The following PRKCE variants were observed in gnomAD, a reference collection of about 807,000 sequenced individuals.
PRKCE encodes protein kinase C epsilon type.
A neutral mutation model predicts 85.4 loss-of-function variants in PRKCE; 16 were observed. The ratio of observed to expected loss-of-function variants is 0.19; its 90% confidence interval spans 0.13 to 0.28. The LOEUF (loss-of-function observed/expected upper bound fraction) is 0.28. Among genes scored for constraint, PRKCE ranks in the 10% least tolerant of loss-of-function variants. The pLI, the probability that PRKCE is intolerant of heterozygous loss-of-function variation, is 1.00. For missense variants in PRKCE, 573 were observed against 975.2 expected (o/e 0.59, Z 5.49); for synonymous variants, 388 against 371.5 (o/e 1.04, Z -0.51).
intron 1 of PRKCE, among the ~76,000 whole-genome samples, chr2:45,748,123 T>C (rs894721730): frequency 3.3e-5 from 5 of 152,208 alleles, no homozygotes; most frequent in African/African-American, 7.2e-5. Context: ...AGGGAACACA[T>C]TGACAACCAT....
At chr2:45,739,013 T>C (rs1373355727) in intron 1 of PRKCE, among the ~76,000 whole-genome samples, 1 of 152,224 alleles carries the variant, frequency 6.6e-6, no homozygotes, top group Non-Finnish European at 1.5e-5. Flanking sequence ...ATGACAGTGC[T>C]CATATGAAGT....
intron 1 of PRKCE, among the ~76,000 whole-genome samples, chr2:45,742,055 C>G (rs1470868581): frequency 6.6e-6 from 1 of 152,064 alleles, no homozygotes; most frequent in African/African-American, 2.4e-5. Flanking sequence ...TTGGGAATTT[C>G]TCGGATATCA....
intron 10 of PRKCE, among the ~76,000 whole-genome samples, chr2:46,066,325 C>T (rs1667623905): frequency 6.6e-6 from 1 of 152,122 alleles, no homozygotes. Flanking sequence ...TAATGAGTCA[C>T]CTACCTCACT....
intron 9 of PRKCE, among the ~76,000 whole-genome samples, chr2:46,009,919 G>GT (rs1705515635): frequency 6.6e-6 from 1 of 152,194 alleles, no homozygotes. Flanking sequence ...TACTGTAATT[G>GT]TAAGTATGAC....
chr2:45,689,750 G>C (rs907477116), intron 1 of PRKCE, among the ~76,000 whole-genome samples: 2 of 151,880 alleles, frequency 1.3e-5, no homozygotes, highest in African/African-American at 4.8e-5. Flanking sequence ...ACAAAGATTA[G>C]CCAGGCATGG....
chr2:45,669,227 G>C (rs1052127108), intron 1 of PRKCE, among the ~76,000 whole-genome samples: 9 of 152,180 alleles, frequency 5.9e-5, no homozygotes, highest in Non-Finnish European at 1.2e-4. Flanking sequence ...ACTATTTTAA[G>C]GGGAAAAGGG....
At chr2:45,721,861 A>T (rs1334727666) in intron 1 of PRKCE, among the ~76,000 whole-genome samples, 1 of 150,976 alleles carries the variant, frequency 6.6e-6, no homozygotes, top group Non-Finnish European at 1.5e-5. Flanking sequence ...GCGGTGATGG[A>T]GAGAGACCCT....
At chr2:45,813,288 A>T (rs1308786693) in intron 1 of PRKCE, among the ~76,000 whole-genome samples, 2 of 152,204 alleles carry the variant, frequency 1.3e-5, no homozygotes, top group Non-Finnish European at 2.9e-5. Context: ...CTTGTTGGCC[A>T]TGGGTCATTT....
chr2:45,912,446 GAGA>G (rs1270619532), intron 2 of PRKCE, among the ~76,000 whole-genome samples: 3 of 152,286 alleles, frequency 2.0e-5, no homozygotes, highest in African/African-American at 7.2e-5. Flanking sequence ...TCACTTGGTG[GAGA>G]AGGAGTGCTT....
intron 2 of PRKCE, among the ~76,000 whole-genome samples, chr2:45,904,799 G>A (rs183019114): frequency 6.6e-6 from 1 of 152,190 alleles, no homozygotes. Context: ...CCAGAAGCCT[G>A]CCTTTTCTCC....
At chr2:46,088,463 C>T (rs753255375) in intron 11 of PRKCE, among the ~76,000 whole-genome samples, 2 of 152,130 alleles carry the variant, frequency 1.3e-5, no homozygotes, top group Non-Finnish European at 2.9e-5. Flanking sequence ...TGCACCTGCC[C>T]CTGTTCACCT....
chr2:45,664,850 G>C (rs908711941), intron 1 of PRKCE, among the ~76,000 whole-genome samples: 1 of 152,194 alleles, frequency 6.6e-6, no homozygotes, highest in African/African-American at 2.4e-5. Flanking sequence ...TGTGGTCCAG[G>C]TGTATATCCC....
At chr2:45,784,338 T>C (rs1686426671) in intron 1 of PRKCE, among the ~76,000 whole-genome samples, 1 of 152,170 alleles carries the variant, frequency 6.6e-6, no homozygotes, top group African/African-American at 2.4e-5. Context: ...GCGGGTGAGG[T>C]GTGGAACCGA....
intron 10 of PRKCE, among the ~76,000 whole-genome samples, chr2:46,055,954 C>T (rs770840647): frequency 3.3e-5 from 5 of 152,156 alleles, no homozygotes; most frequent in Non-Finnish European, 7.3e-5. Flanking sequence ...TGAGTCATAG[C>T]GCCCGGCCAG....
At chr2:45,709,448 A>G (rs1243497201) in intron 1 of PRKCE, among the ~76,000 whole-genome samples, 4 of 152,358 alleles carry the variant, frequency 2.6e-5, no homozygotes, top group East Asian at 1.9e-4. Flanking sequence ...GGCCCTTGGC[A>G]TGATTCCTTT....
intron 1 of PRKCE, among the ~76,000 whole-genome samples, chr2:45,836,451 A>G (rs1573549404): frequency 6.6e-6 from 1 of 152,204 alleles, no homozygotes; most frequent in South Asian, 2.1e-4. Context: ...CAAAATCAGC[A>G]CCCCGCAGCT....
chr2:45,715,244 C>A (rs1284734094), intron 1 of PRKCE, among the ~76,000 whole-genome samples: 2 of 152,278 alleles, frequency 1.3e-5, no homozygotes, highest in East Asian at 3.8e-4. Context: ...CTGGTCCACA[C>A]AATGGCATCT....
chr2:45,699,563 C>A (rs1191424509), intron 1 of PRKCE, among the ~76,000 whole-genome samples: 8 of 152,134 alleles, frequency 5.3e-5, no homozygotes, highest in Non-Finnish European at 1.0e-4. Context: ...GGCACCAGCC[C>A]CCATGCTGTG....
chr2:45,789,362 T>G (rs916495097), intron 1 of PRKCE, among the ~76,000 whole-genome samples: 1 of 152,246 alleles, frequency 6.6e-6, no homozygotes, highest in Non-Finnish European at 1.5e-5. Context: ...TTCATGCATT[T>G]ATTGCATGTC....
Sources: gnomAD v4.1 joint callset for allele counts (sites outside exome capture counted in the v4.1 genomes callset) on GRCh38, gnomAD v4.1.1 for gene constraint, MANE v1.5 for transcripts, NCBI Gene and HGNC (gene_info 2026-07-23, HGNC 2026-07-21) for gene names.